The following INTS1 variants were observed in gnomAD, a reference collection of about 807,000 sequenced individuals.
The protein encoded by INTS1 is integrator complex subunit 1.
INTS1 carries 137 observed loss-of-function variants against 241.6 expected under a neutral mutation model. The observed-to-expected ratio is 0.57, with a 90% CI of 0.49 to 0.65. The LOEUF is 0.65. Ranked by LOEUF, INTS1 falls within the 30% of genes least tolerant of loss-of-function variation. INTS1 has a pLI of 0.00. For missense variants in INTS1, 3,073 were observed against 3,032.2 expected (o/e 1.01, Z -0.32); for synonymous variants, 1,692 against 1,337.8 (o/e 1.26, Z -5.78).
intron 24 of INTS1, among the ~76,000 whole-genome samples, chr7:1,484,787 G>A (rs1782171489): frequency 6.6e-6 from 1 of 151,580 alleles, no homozygotes. Flanking sequence ...GGTGACTAAG[G>A]AAGGGACACA....
At position 1,478,516 on chromosome 7, in the gene INTS1, G is replaced by C. The variant is rs774653328; in HGVS notation, c.4490-10C>G. ...AGGAGCCCCCCTCGCACTGTGGGAG[G>C]TCTGTGTGAGTGCCCTGTGGCTCCA... On this transcript the variant is annotated splice_polypyrimidine_tract_variant and intron_variant, in intron 32 of 47. Transcript: ENST00000404767. The C allele has an allele frequency of 6.2e-7, 1 of 1,607,524 alleles. No individual in the cohort carries two copies. The highest frequency in any genetic ancestry group is 8.5e-7 in the Non-Finnish European group (1 of 1,178,026).
chr7:1,470,964 C>G lies in INTS1; in HGVS notation c.6348-9G>C. ...GGAAAGCGGCTGCAATGCTGAAAGA[C>G]CCACACACTTCAGTGGGAACCTCCA... On this transcript the variant is annotated splice_polypyrimidine_tract_variant and intron_variant, in intron 46 of 47. Transcript: ENST00000404767. 1 of 1,553,736 alleles carries G rather than the reference C, an allele frequency of 6.4e-7. No homozygotes were observed. Among genetic ancestry groups the G allele is most frequent in the Non-Finnish European group, 8.7e-7 (1 of 1,148,694 alleles).
At position 1,476,022 on chromosome 7, in the gene INTS1, G is replaced by A. The variant is rs1403018344; in HGVS notation, c.5428C>T (p.Arg1810Trp). ...GGCACGGGCACCCGCAGCTCCGGCC[G>A]CTGTAGGTAGAGCTGCAGGAGAAGG... Reference protein sequence around the residue: ...RDLLLQLYLQRPELRVPVPEV... With the variant: ...RDLLLQLYLQWPELRVPVPEV... The change falls in exon 39 of 48, where the codon CGG (arginine) becomes TGG (tryptophan). Residue 1810 changes from arginine to tryptophan, a missense_variant. Transcript: ENST00000404767. The A allele has an allele frequency of 1.3e-5, 20 of 1,545,708 alleles. No homozygotes were observed. The highest frequency in any genetic ancestry group is 4.9e-5 in the East Asian group (2 of 40,912).
intron 40 of INTS1, 126 bp from the exon 41 acceptor site, chr7:1,474,486 C>T (rs1781621368): frequency 1.7e-6 from 2 of 1,173,988 alleles, no homozygotes; most frequent in South Asian, 3.2e-5. Context: ...CCCTCCTGCC[C>T]TAAGGAGGTG....
intron 45 of INTS1, 50 bp downstream of exon 45, chr7:1,471,521 C>T: frequency 6.3e-7 from 1 of 1,583,838 alleles, no homozygotes; most frequent in Non-Finnish European, 8.7e-7. Context: ...TGCTGGGGTT[C>T]CCCAAGGGAG....
At chr7:1,488,105 A>G (rs1782364896) in intron 18 of INTS1, 148 bp from the exon 19 acceptor site, 1 of 811,590 alleles carries the variant, frequency 1.2e-6, no homozygotes, top group East Asian at 2.4e-5. Flanking sequence ...GCCCGGTAGC[A>G]TCCATGGGGC....
chr7:1,500,149 T>C lies in INTS1; in HGVS notation c.546+21A>G, dbSNP rs748712382. 16 of 1,581,652 alleles carry C rather than the reference T, an allele frequency of 1.0e-5. No homozygotes were observed. In the Admixed American group the frequency reaches 1.9e-4, roughly 19 times the overall value. On this transcript the variant is annotated intron_variant, in intron 4 of 47. Transcript: ENST00000404767. The stretch of plus-strand genomic sequence containing the variant: ...AAGGGCCCCAGCGCTGCTCGCCTCC[T>C]GCCAGGGGCCCGGCTCAAACCTCAA...
rs1466625171 is a variant in INTS1, at chr7:1,478,480, C to T, written c.4516G>A (p.Glu1506Lys). 1.9e-6 allele frequency: 3 copies of T among 1,611,534 alleles called. No individual in the cohort carries two copies. Among genetic ancestry groups the T allele is most frequent in the South Asian group, 1.1e-5 (1 of 90,978 alleles). The change falls in exon 33 of 48, where the codon GAG becomes AAG. Residue 1506 changes from glutamate (E) to lysine (K), a missense_variant. Transcript: ENST00000404767. ...AGGTCCTGACGGAAGGCCAGGGCCT[C>T]GGCCAGGCGCAGGAGCCCCCCTCGC... Reference protein sequence around the residue: ...DVRGGLLRLAEALAFRQDLEV... With the variant: ...DVRGGLLRLAKALAFRQDLEV...
chr7:1,502,312 T>C (rs1471462457), intron 3 of INTS1, among the ~76,000 whole-genome samples: 1 of 151,602 alleles, frequency 6.6e-6, no homozygotes, highest in Admixed American at 6.6e-5. Context: ...CCTTGAGAAA[T>C]GGTCGTTGGG....
In INTS1 at chr7:1,476,617, T is replaced by C. The variant is rs1324996339; in HGVS notation, c.5104A>G (p.Ile1702Val). Residue 1702 changes from isoleucine to valine, a missense_variant, in exon 37 of 48, where the codon ATC becomes GTC. Coordinates refer to ENST00000404767, the MANE Select transcript of INTS1 (RefSeq NM_001080453.3). Reference protein sequence around the residue: ...SASLDFLWACIHVPRIWQGRD... With the variant: ...SASLDFLWACVHVPRIWQGRD... ...CCCTGCCAGATGCGAGGAACATGGA[T>C]GCAGGCCCAGAGGAAGTCCAGAGAG... 6.2e-7 allele frequency: 1 copy of C among 1,612,340 alleles called. No homozygotes were observed. The highest frequency in any genetic ancestry group is 1.7e-5 in the Admixed American group (1 of 60,012).
chr7:1,478,452 T>A lies in INTS1; in HGVS notation c.4544A>T (p.Glu1515Val). The A allele has an allele frequency of 6.2e-7, 1 of 1,612,342 alleles. No homozygotes were observed. Among genetic ancestry groups the A allele is most frequent in the Non-Finnish European group, 8.5e-7 (1 of 1,179,734 alleles). The change falls in exon 33 of 48, where the codon GAG becomes GTG. Residue 1515 changes from glutamate to valine, a missense_variant. By Grantham distance (121) the Glu-to-Val change is moderately radical. Coordinates refer to ENST00000404767, the MANE Select transcript of INTS1 (RefSeq NM_001080453.3). ...AEALAFRQDL[E>V]VVSSTVRAVI... ...GGCACGGACGGTGGAGCTGACCACC[T>A]CCAGGTCCTGACGGAAGGCCAGGGC... is the stretch of plus-strand genomic sequence containing the variant.
Position 1,470,596 on chromosome 7 carries a change from T to A in INTS1, c.6554A>T (p.His2185Leu). The change falls in exon 48 of 48, where the codon CAT becomes CTT. Residue 2185 changes from histidine to leucine, a missense_variant. Coordinates refer to ENST00000404767, the MANE Select transcript of INTS1 (RefSeq NM_001080453.3). ...AQISEALRILHMEAVM is the reference protein window; with the variant it reads ...AQISEALRILLMEAVM ...ACAGGCTCACATCACGGCCTCCATA[T>A]GCAGGATCCTCAGGGCCTCGGAGAT... is the stretch of plus-strand genomic sequence containing the variant. 6.3e-7 allele frequency: 1 copy of A among 1,576,104 alleles called. No homozygotes were observed. The highest frequency in any genetic ancestry group is 8.6e-7 in the Non-Finnish European group (1 of 1,161,908).
rs2304356 is a variant in INTS1 at position 1,493,974 on chromosome 7, G to A, written c.1911-63C>T. 48,465 of 1,502,928 alleles carry A rather than the reference G, an allele frequency of 0.032. 1,360 individuals are homozygous for A. The highest frequency in any genetic ancestry group is 0.14 in the East Asian group (5,600 of 39,978). The allele number at this position is 1,502,928 out of a possible 1,614,324, so 93.1% of individuals were successfully genotyped here. ...CCACACCTGCCAGACCTGAGGGGCC[G>A]AGGACAGGCCAGCTTCTCCCTCAGA... On this transcript the variant is annotated intron_variant, in intron 14 of 47. Transcript: ENST00000404767. The surrounding 1 kb of genome is among the most constrained non-coding windows in gnomAD (Gnocchi z 5.3).
chr7:1,485,602 C>T (rs1227531230), intron 22 of INTS1, 133 bp from the exon 23 acceptor site: 5 of 918,546 alleles, frequency 5.4e-6, no homozygotes, highest in Admixed American at 2.9e-5. Context: ...CGGGAGAGGC[C>T]GCAGGTAAAA....
At position 1,472,183 on chromosome 7, in the gene INTS1, G is replaced by A. The variant is rs370537457; in HGVS notation, c.6184+90C>T. 7.0e-6 allele frequency: 7 copies of A among 1,002,244 alleles called. No homozygotes were observed. In the South Asian group the frequency reaches 9.6e-5, roughly 14 times the overall value. The allele number at this position is 1,002,244 out of a possible 1,614,324, so 62.1% of individuals were successfully genotyped here. A position where few individuals can be genotyped will look rare whatever the true frequency, so the allele number is the denominator to read the frequency against. On this transcript the variant is annotated intron_variant, in intron 44 of 47. Transcript: ENST00000404767. ...CAGCGTGGGCCAGGCTCACGCCAAA[G>A]TCAGTGCCCAAATGGCTACTGGCTG...
intron 12 of INTS1, 78 bp downstream of exon 12, chr7:1,496,078 A>T: frequency 8.9e-7 from 1 of 1,123,582 alleles, no homozygotes; most frequent in Non-Finnish European, 1.3e-6. Context: ...GGGACAGTGC[A>T]GCCTCGGAGA....
intron 31 of INTS1, 56 bp downstream of exon 31, chr7:1,479,374 C>T (rs1404229326): frequency 5.2e-6 from 8 of 1,524,372 alleles, no homozygotes; most frequent in Admixed American, 2.0e-5. Flanking sequence ...GGCCGTCCTG[C>T]GGGAGGCAGA....
intron 6 of INTS1, 34 bp from the exon 7 acceptor site, chr7:1,499,394 T>TTCC: frequency 2.1e-6 from 3 of 1,400,286 alleles, no homozygotes; most frequent in African/African-American, 1.5e-5. Context: ...ATGCAGCGCC[T>TTCC]CCCACCCGCC....
In INTS1 at chr7:1,503,067, C is replaced by T. The variant is rs770315027; in HGVS notation, c.183G>A (p.Ala61=). Residue 61 remains alanine (A), a synonymous_variant, in exon 3 of 48, where the codon GCG becomes GCA. Transcript: ENST00000404767. ...SGLPSERKRD[A]AAALSSASAL... is the part of the protein sequence containing the mutation. ...CCGAGGCACTGGACAACGCGGCCGC[C>T]GCATCCCGCTTGCGCTCAGAAGGCA... 18 of 1,613,122 alleles carry T rather than the reference C, an allele frequency of 1.1e-5. No homozygotes were observed. Among genetic ancestry groups the T allele is most frequent in the East Asian group, 2.2e-5 (1 of 44,860 alleles).
Sources: allele counts gnomAD v4.1 joint callset (sites outside exome capture counted in the v4.1 genomes callset), GRCh38; gene constraint gnomAD v4.1.1; non-coding constraint Gnocchi (gnomAD v3.1); transcripts MANE v1.5; gene names NCBI Gene and HGNC (gene_info 2026-07-23, HGNC 2026-07-21).